MUC12: variants seen among roughly 807,000 people sequenced by gnomAD.
The protein encoded by MUC12 is mucin 12, cell surface associated.
In MUC12, 172 loss-of-function variants were observed where a neutral mutation model predicts 230.8. That is an observed-to-expected ratio of 0.75 (90% confidence interval 0.66 to 0.85). MUC12 has a LOEUF of 0.85. Among genes scored for constraint, MUC12 ranks in the 40% least tolerant of loss-of-function variants. The pLI is 0.00. For synonymous variants in MUC12, 1,259 were observed against 2,401.9 expected, an observed-to-expected ratio of 0.52 and a Z score of 13.91; for missense variants, 3,506 against 5,920.6, an observed-to-expected ratio of 0.59 and a Z score of 13.38.
At chr7:101,015,271 TA>T in intron 9 of MUC12, 2 of 266,658 alleles carry the variant, frequency 7.5e-6, no homozygotes, top group Non-Finnish European at 7.2e-6. Context: ...TTCCCAGCTG[TA>T]AAATGGGATA....
chr7:100,971,356 G>A (rs1445692734), intron 1 of MUC12, among the ~76,000 whole-genome samples: 1 of 151,902 alleles, frequency 6.6e-6, no homozygotes, highest in Admixed American at 6.6e-5. Context: ...GAGGAGAGGC[G>A]AGAGAGGGAG....
Position 100,992,462 on chromosome 7 carries a change from AT to A in MUC12, c.1901del (p.Phe634SerfsTer147), listed in dbSNP as rs1793345263. 6.5e-7 allele frequency: 1 copy of A among 1,537,630 alleles called. No individual in the cohort carries two copies. The highest frequency in any genetic ancestry group is 1.4e-5 in the African/African-American group (1 of 73,024). On this transcript the variant is annotated frameshift_variant, in exon 2 of 12. Coordinates refer to ENST00000536621, the MANE Select transcript of MUC12 (RefSeq NM_001164462.2). LOFTEE classifies it high-confidence loss of function. The stretch of plus-strand genomic sequence containing the variant: ...CAACCCGTCAGGGAGAATCTACCAC[AT>A]TCCATAGCTGGCCAAGCTCAAAGGA... ...STTRQGESTTFHSWPSSKDTR... is the reference protein window; with the variant it reads ...STTRQGESTTXHSWPSSKDTR...
intron 1 of MUC12, among the ~76,000 whole-genome samples, chr7:100,983,765 G>A (rs1202167852): frequency 6.6e-6 from 1 of 152,166 alleles, no homozygotes; most frequent in African/African-American, 2.4e-5. Context: ...GAGTCGTTAT[G>A]GAGATAACCA....
chr7:100,976,401 C>T (rs7458232), intron 1 of MUC12, among the ~76,000 whole-genome samples: 85,866 of 151,324 alleles, frequency 0.57, 24,607 homozygotes, highest in Non-Finnish European at 0.61. Context: ...GTCAGGAGAT[C>T]GAGACCATCC....
Position 100,992,478 on chromosome 7 carries a change from A to G in MUC12, c.1915A>G (p.Ser639Gly), listed in dbSNP as rs1481428556. 14 of 1,537,770 alleles carry G rather than the reference A, an allele frequency of 9.1e-6. No homozygotes were observed. Among genetic ancestry groups the G allele is most frequent in the African/African-American group, 6.8e-5 (5 of 73,034 alleles). The stretch of plus-strand genomic sequence containing the variant: ...ATCTACCACATTCCATAGCTGGCCA[A>G]GCTCAAAGGACACTAGGCCTGCACC... ...GESTTFHSWP[S>G]SKDTRPAPPT... The change falls in exon 2 of 12, where the codon AGC becomes GGC. Residue 639 changes from serine to glycine, a missense_variant. Transcript: ENST00000536621.
chr7:101,013,446 TA>T (rs1793870430), intron 8 of MUC12, among the ~76,000 whole-genome samples: 1 of 152,224 alleles, frequency 6.6e-6, no homozygotes, highest in South Asian at 2.1e-4. Context: ...TCTCTATCTC[TA>T]TCTTTGTATC....
Position 100,969,705 on chromosome 7 carries a change from C to T in MUC12, c.67+16C>T. The T allele has an allele frequency of 6.5e-7, 1 of 1,537,400 alleles. No individual in the cohort carries two copies. The highest frequency in any genetic ancestry group is 8.7e-7 in the Non-Finnish European group (1 of 1,146,904). The stretch of plus-strand genomic sequence containing the variant: ...GTGACACCAGGTGAGTGCTCCTGGG[C>T]TGATGCTCCAGGTCCAGTGCTCCTG... On this transcript the variant is annotated intron_variant, in intron 1 of 11. Transcript: ENST00000536621.
rs747837802 is a variant in MUC12 at position 101,008,714 on chromosome 7, G to A, written c.15139G>A (p.Ala5047Thr). 5.9e-6 allele frequency: 9 copies of A among 1,537,160 alleles called. No individual in the cohort carries two copies. Among genetic ancestry groups the A allele is most frequent in the East Asian group, 4.9e-5 (2 of 40,918 alleles). ...AAATTTCACAGAAAAGATGAATGAC[G>A]CATCCTCCCAGGAATACCAGAACTT... ...YRNFTEKMND[A>T]SSQEYQNFST... Residue 5047 changes from alanine to threonine, a missense_variant, in exon 4 of 12, where the codon GCA (alanine) becomes ACA (threonine). Coordinates refer to ENST00000536621, the MANE Select transcript of MUC12 (RefSeq NM_001164462.2).
At chr7:100,972,759 A>C in intron 1 of MUC12, 1 of 660,710 alleles carries the variant, frequency 1.5e-6, no homozygotes, top group Non-Finnish European at 2.8e-6. Flanking sequence ...GCTCAGCTCG[A>C]ACTCCCAAAG....
Position 101,018,738 on chromosome 7 carries a change from AGGCCCTGAAGCC to A in MUC12, c.*105_*116del. 3 of 1,225,458 alleles carry A rather than the reference AGGCCCTGAAGCC, an allele frequency of 2.4e-6. No homozygotes were observed. Among genetic ancestry groups the A allele is most frequent in the Non-Finnish European group, 3.3e-6 (3 of 898,728 alleles). The allele number at this position is 1,225,458 out of a possible 1,614,324, so 75.9% of individuals were successfully genotyped here. On this transcript the variant is annotated 3_prime_UTR_variant, in exon 12 of 12. Coordinates refer to ENST00000536621, the MANE Select transcript of MUC12 (RefSeq NM_001164462.2). Reference sequence around the variant, plus strand: ...GGCGGGTCAAGAGGAGACCGAAGTCAGGCCCTGAAGCCGGTCCTGCTCTGAGCTGACAGACTT... The same window carrying A: ...GGCGGGTCAAGAGGAGACCGAAGTCAGGTCCTGCTCTGAGCTGACAGACTT...
chr7:100,972,648 G>A (rs1250918481), intron 1 of MUC12, among the ~76,000 whole-genome samples: 1 of 152,072 alleles, frequency 6.6e-6, no homozygotes, highest in Non-Finnish European at 1.5e-5. Context: ...GACTACAGGT[G>A]TGCGCCAACA....
intron 1 of MUC12, among the ~76,000 whole-genome samples, chr7:100,980,985 A>C (rs1793096470): frequency 6.6e-6 from 1 of 152,136 alleles, no homozygotes; most frequent in Non-Finnish European, 1.5e-5. Context: ...ATCCTTTAGA[A>C]CTATGATGCC....
intron 1 of MUC12, among the ~76,000 whole-genome samples, chr7:100,981,712 G>C (rs1344163543): frequency 6.6e-6 from 1 of 152,146 alleles, no homozygotes; most frequent in Non-Finnish European, 1.5e-5. Flanking sequence ...AGGCAAAAGA[G>C]AGCAGGTATG....
rs769690199 is a variant in MUC12, at chr7:101,005,007, C to T, written c.14444C>T (p.Thr4815Ile). 4.6e-6 allele frequency: 7 copies of T among 1,537,538 alleles called. No homozygotes were observed. Among genetic ancestry groups the T allele is most frequent in the Non-Finnish European group, 6.1e-6 (7 of 1,147,016 alleles). The change falls in exon 2 of 12, where the codon ACT becomes ATT. Residue 4815 changes from threonine to isoleucine, a missense_variant. Thr to Ile is a moderately conservative substitution (Grantham distance 89). Coordinates refer to ENST00000536621, the MANE Select transcript of MUC12 (RefSeq NM_001164462.2). ...ACACTGTCCCCTGGCAGCATCACAA[C>T]TTCATCTTTTGCTCAAGAATTTACC... Reference protein sequence around the residue: ...ETTLSPGSITTSSFAQEFTTP... With the variant: ...ETTLSPGSITISSFAQEFTTP...
Position 101,002,783 on chromosome 7 carries a change from C to G in MUC12, c.12220C>G (p.Gln4074Glu). The G allele has an allele frequency of 8.5e-7, 1 of 1,174,636 alleles. No individual in the cohort carries two copies. Among genetic ancestry groups the G allele is most frequent in the Non-Finnish European group, 1.2e-6 (1 of 842,452 alleles). 72.8% of individuals were successfully genotyped at this position (1,174,636 alleles called of 1,614,324 possible). A position where few individuals can be genotyped will look rare whatever the true frequency, so the allele number is the denominator to read the frequency against. ...TPASSTSTGLQEESTTFQSWP... is the reference protein window; with the variant it reads ...TPASSTSTGLEEESTTFQSWP... ...TGCCAGCTCCACAAGCACTGGCCTT[C>G]AGGAAGAATCTACCACTTTCCAGAG... Residue 4074 changes from glutamine (Q) to glutamate (E), a missense_variant, in exon 2 of 12, where the codon CAG (glutamine) becomes GAG (glutamate). Coordinates refer to ENST00000536621, the MANE Select transcript of MUC12 (RefSeq NM_001164462.2).
At chr7:101,015,764 TG>T in intron 10 of MUC12, 73 bp downstream of exon 10, 3 of 1,372,408 alleles carry the variant, frequency 2.2e-6, no homozygotes, top group African/African-American at 1.4e-5. Flanking sequence ...CCTGTGCCTG[TG>T]GGGGTGACGT....
intron 5 of MUC12, 107 bp downstream of exon 5, chr7:101,009,266 C>A: frequency 1.7e-6 from 2 of 1,171,642 alleles, no homozygotes; most frequent in South Asian, 2.7e-5. Flanking sequence ...CTGGTTGGGT[C>A]AGAGAGTCCT....
chr7:100,978,797 C>T (rs1177523081), intron 1 of MUC12, among the ~76,000 whole-genome samples: 2 of 152,164 alleles, frequency 1.3e-5, no homozygotes, highest in African/African-American at 4.8e-5. Flanking sequence ...AAACCAGCTG[C>T]CTTAATTAAA....
intron 1 of MUC12, among the ~76,000 whole-genome samples, chr7:100,988,180 C>A (rs1343468871): frequency 6.6e-6 from 1 of 150,780 alleles, no homozygotes; most frequent in Non-Finnish European, 1.5e-5. Flanking sequence ...TGCCTGTAAT[C>A]CCAGCTACTC....
Sources: gnomAD v4.1 joint callset for allele counts (sites outside exome capture counted in the v4.1 genomes callset) on GRCh38, gnomAD v4.1.1 for gene constraint, MANE v1.5 for transcripts, NCBI Gene and HGNC (gene_info 2026-07-23, HGNC 2026-07-21) for gene names.